Variants in MARCHF1 observed in about 807,000 individuals in gnomAD.
The protein encoded by MARCHF1 is membrane associated ring-CH-type finger 1.
MARCHF1 carries 40 observed loss-of-function variants against 54.2 expected under a neutral mutation model. That is an observed-to-expected ratio of 0.74 (90% CI 0.57 to 0.96). MARCHF1 has a LOEUF of 0.96. Among genes scored for constraint, MARCHF1 ranks in the 40% least tolerant of loss-of-function variants. MARCHF1 has a pLI of 0.00. For missense variants in MARCHF1, 586 were observed against 656.5 expected, an observed-to-expected ratio of 0.89 and a Z score of 1.17; for synonymous variants, 236 against 236.3, an observed-to-expected ratio of 1.00 and a Z score of 0.01.
intron 4 of MARCHF1, among the ~76,000 whole-genome samples, chr4:163,714,530 C>T (rs896074211): frequency 6.6e-6 from 1 of 152,202 alleles, no homozygotes; most frequent in Non-Finnish European, 1.5e-5. Flanking sequence ...TTCTTTAACA[C>T]AATACCTGCC....
chr4:163,565,745 G>A (rs915976355), intron 8 of MARCHF1, among the ~76,000 whole-genome samples: 1 of 152,108 alleles, frequency 6.6e-6, no homozygotes, highest in Non-Finnish European at 1.5e-5. Context: ...TCTGAAAGTC[G>A]ATCCTGCTAA....
chr4:164,053,511 A>G (rs1483222916), intron 2 of MARCHF1, among the ~76,000 whole-genome samples: 3 of 152,214 alleles, frequency 2.0e-5, no homozygotes, highest in Non-Finnish European at 2.9e-5. Flanking sequence ...GAAGAATTCA[A>G]GTATAATCAA....
intron 4 of MARCHF1, among the ~76,000 whole-genome samples, chr4:163,829,511 A>G (rs1413261300): frequency 2.0e-5 from 3 of 152,272 alleles, no homozygotes; most frequent in East Asian, 1.9e-4. Flanking sequence ...CAGAGCAAGA[A>G]ACGTCAAAAT....
At chr4:163,550,197 G>A (rs1006151986) in intron 8 of MARCHF1, among the ~76,000 whole-genome samples, 1 of 149,444 alleles carries the variant, frequency 6.7e-6, no homozygotes, top group Non-Finnish European at 1.5e-5. Context: ...CAAGAGAATC[G>A]CTTCAACCCG....
chr4:164,134,284 A>T (rs780001864), intron 1 of MARCHF1, among the ~76,000 whole-genome samples: 5 of 152,188 alleles, frequency 3.3e-5, no homozygotes, highest in Non-Finnish European at 5.9e-5. Flanking sequence ...GTGTTTCTAC[A>T]ATCCCAAGGG....
At chr4:163,907,106 A>C (rs1417331380) in intron 3 of MARCHF1, among the ~76,000 whole-genome samples, 1 of 152,118 alleles carries the variant, frequency 6.6e-6, no homozygotes, top group Non-Finnish European at 1.5e-5. Context: ...TCCTTTTTCC[A>C]TACTTTCCTT....
At chr4:163,677,796 T>C (rs1416210213) in intron 5 of MARCHF1, among the ~76,000 whole-genome samples, 1 of 152,196 alleles carries the variant, frequency 6.6e-6, no homozygotes, top group Non-Finnish European at 1.5e-5. Context: ...ACACACTACA[T>C]GCCAACATAT....
At chr4:163,978,469 C>A (rs1201763073) in intron 3 of MARCHF1, among the ~76,000 whole-genome samples, 1 of 152,072 alleles carries the variant, frequency 6.6e-6, no homozygotes, top group Non-Finnish European at 1.5e-5. Context: ...GATATTAACT[C>A]ATTTGAAGTC....
chr4:163,811,335 A>C (rs1216989623), intron 4 of MARCHF1, among the ~76,000 whole-genome samples: 1 of 152,074 alleles, frequency 6.6e-6, no homozygotes, highest in Middle Eastern at 3.2e-3. Flanking sequence ...TGATAGCTTA[A>C]CTGCCAAAAT....
intron 3 of MARCHF1, among the ~76,000 whole-genome samples, chr4:163,921,583 C>T (rs1751431287): frequency 6.6e-6 from 1 of 151,678 alleles, no homozygotes; most frequent in Non-Finnish European, 1.5e-5. Flanking sequence ...AGCAATAGTA[C>T]ACACATACTT....
At chr4:163,736,551 G>T (rs1271255776) in intron 4 of MARCHF1, among the ~76,000 whole-genome samples, 3 of 1,774 alleles carry the variant, frequency 1.7e-3, no homozygotes, top group South Asian at 0.014. Context: ...GGGTTGGGTG[G>T]GGGGGGGGAC....
At chr4:163,643,201 G>A (rs961762332) in intron 5 of MARCHF1, among the ~76,000 whole-genome samples, 1 of 150,908 alleles carries the variant, frequency 6.6e-6, no homozygotes, top group Non-Finnish European at 1.5e-5. Context: ...AGTGGTGCAC[G>A]TCTGTAATCC....
chr4:164,290,451 A>G (rs770311170), intron 1 of MARCHF1, among the ~76,000 whole-genome samples: 19 of 152,084 alleles, frequency 1.2e-4, no homozygotes, highest in African/African-American at 4.3e-4. Context: ...AAGCATTCCT[A>G]AAGTTCAAAA....
At chr4:164,270,616 C>T (rs916850498) in intron 1 of MARCHF1, among the ~76,000 whole-genome samples, 1 of 152,166 alleles carries the variant, frequency 6.6e-6, no homozygotes, top group Non-Finnish European at 1.5e-5. Context: ...GAGCAATCTA[C>T]AAATGTAATT....
At chr4:163,839,877 T>G (rs1749290551) in intron 4 of MARCHF1, among the ~76,000 whole-genome samples, 1 of 152,056 alleles carries the variant, frequency 6.6e-6, no homozygotes, top group Non-Finnish European at 1.5e-5. Flanking sequence ...ATGTAAAATA[T>G]ATCTCACTTG....
chr4:163,868,155 A>G (rs1750095513), intron 3 of MARCHF1, among the ~76,000 whole-genome samples: 1 of 152,000 alleles, frequency 6.6e-6, no homozygotes, highest in Admixed American at 6.6e-5. Context: ...TCCAGGACCA[A>G]GAACAGATCA....
intron 2 of MARCHF1, among the ~76,000 whole-genome samples, chr4:164,052,867 C>G (rs973173228): frequency 1.1e-4 from 16 of 152,036 alleles, no homozygotes; most frequent in Non-Finnish European, 2.9e-5. Flanking sequence ...GGTATTTATA[C>G]CTCGATTATC....
chr4:163,637,259 A>C (rs1480705624), intron 5 of MARCHF1, among the ~76,000 whole-genome samples: 1 of 152,312 alleles, frequency 6.6e-6, no homozygotes, highest in Non-Finnish European at 1.5e-5. Flanking sequence ...ATCTCATTAA[A>C]CTAAAGAGCT....
chr4:163,977,363 C>G lies in MARCHF1; in HGVS notation c.-39+11138G>C, dbSNP rs141440012. Among the ~76,000 whole-genome samples the G allele has an allele frequency of 8.6e-3, 1,308 of 152,130 alleles. 10 individuals are homozygous for G. Among genetic ancestry groups the G allele is most frequent in the Non-Finnish European group, 0.014 (927 of 68,000 alleles). ...ACCAGGATTTCCACAGCTTAAGGCA[C>G]CTGGGGGGAAATGACCACCTCCCTT... On this transcript the variant is annotated intron_variant, in intron 3 of 9. Transcript: ENST00000514618.
Sources: gnomAD v4.1 joint callset for allele counts (sites outside exome capture counted in the v4.1 genomes callset) on GRCh38, gnomAD v4.1.1 for gene constraint, MANE v1.5 for transcripts, NCBI Gene and HGNC (gene_info 2026-07-23, HGNC 2026-07-21) for gene names.